Variants in SLC16A2 observed in about 807,000 individuals in gnomAD.
SLC16A2 encodes solute carrier family 16 member 2, also known as monocarboxylate transporter 8.
In SLC16A2, 3 loss-of-function variants were observed where a neutral mutation model predicts 27.2. The ratio of observed to expected loss-of-function variants is 0.11; its 90% CI spans 0.05 to 0.28. SLC16A2 has a LOEUF of 0.28. Ranked by LOEUF, SLC16A2 falls within the 10% of genes least tolerant of loss-of-function variation. SLC16A2 has a pLI of 1.00. For synonymous variants in SLC16A2, 202 were observed against 187.8 expected (o/e 1.08, Z -0.62); for missense variants, 295 against 458.5 (o/e 0.64, Z 3.26).
intron 1 of SLC16A2, among the ~76,000 whole-genome samples, chrX:74,503,417 T>C (rs192436274): frequency 1.1e-3 from 118 of 111,345 alleles, no homozygotes; most frequent in Non-Finnish European, 1.4e-3. Context: ...CTTGGTACAG[T>C]GGGGAGTCTG....
intron 1 of SLC16A2, among the ~76,000 whole-genome samples, chrX:74,506,104 C>G: frequency 8.9e-6 from 1 of 111,754 alleles, no homozygotes; most frequent in Non-Finnish European, 1.9e-5. Flanking sequence ...CTCTAGACAT[C>G]ATTGCCCAGT....
intron 1 of SLC16A2, among the ~76,000 whole-genome samples, chrX:74,478,040 C>G (rs1197905677): frequency 1.8e-5 from 2 of 111,550 alleles, no homozygotes; most frequent in Admixed American, 9.5e-5. Flanking sequence ...CCTGGATATC[C>G]TCATTAACTT....
intron 1 of SLC16A2, among the ~76,000 whole-genome samples, chrX:74,507,994 C>T (rs1392869703): frequency 3.6e-5 from 4 of 111,739 alleles, no homozygotes. Context: ...GATTTTCTTT[C>T]CTTTGGATAA....
intron 1 of SLC16A2, among the ~76,000 whole-genome samples, chrX:74,429,504 G>T (rs185026862): frequency 1.8e-5 from 2 of 110,446 alleles, no homozygotes; most frequent in East Asian, 5.7e-4. Flanking sequence ...AGGGAGGGTG[G>T]AGGTGGGGGA....
chrX:74,421,589 G>GCC lies in SLC16A2; in HGVS notation c.-48_-47dup. On this transcript the variant is annotated 5_prime_UTR_variant, in exon 1 of 6. Coordinates refer to ENST00000587091, the MANE Select transcript of SLC16A2 (RefSeq NM_006517.5). ...GCTGCAGCAGCAGAAACAAGTACCA[G>GCC]CCACAAAGCGGCTCCTCTGGCCCAA... The GCC allele has an allele frequency of 2.5e-6, 3 of 1,193,114 alleles. No individual in the cohort carries two copies. Among genetic ancestry groups the GCC allele is most frequent in the Non-Finnish European group, 3.4e-6 (3 of 884,906 alleles).
chrX:74,487,171 G>A (rs1235411725), intron 1 of SLC16A2, among the ~76,000 whole-genome samples: 1 of 110,582 alleles, frequency 9.0e-6, no homozygotes, highest in East Asian at 2.8e-4. Flanking sequence ...AGTTGCATTC[G>A]TGAGACCCAT....
chrX:74,501,832 G>A (rs1297662583), intron 1 of SLC16A2, among the ~76,000 whole-genome samples: 1 of 111,519 alleles, frequency 9.0e-6, no homozygotes, highest in Non-Finnish European at 1.9e-5. Flanking sequence ...TATAGGTATA[G>A]GCTTAAGCAT....
At chrX:74,506,917 ATT>A (rs1930139577) in intron 1 of SLC16A2, among the ~76,000 whole-genome samples, 1 of 30,506 alleles carries the variant, frequency 3.3e-5, no homozygotes, top group Non-Finnish European at 1.1e-4. Flanking sequence ...TTATTTATTT[ATT>A]TATTTATTTA....
chrX:74,490,729 G>C (rs913685571), intron 1 of SLC16A2, among the ~76,000 whole-genome samples: 3 of 111,354 alleles, frequency 2.7e-5, no homozygotes, highest in South Asian at 3.7e-4. Flanking sequence ...TCAGAGCTAA[G>C]GAAACACAGT....
At chrX:74,492,216 A>C (rs1256077558) in intron 1 of SLC16A2, among the ~76,000 whole-genome samples, 1 of 111,153 alleles carries the variant, frequency 9.0e-6, no homozygotes, top group East Asian at 2.8e-4. Flanking sequence ...TGGGAGGGGG[A>C]CTCATAGAAG....
chrX:74,495,771 C>A (rs904196144), intron 1 of SLC16A2, among the ~76,000 whole-genome samples: 5 of 111,376 alleles, frequency 4.5e-5, no homozygotes, highest in Admixed American at 3.8e-4. Context: ...GGTCTTCCTG[C>A]CTTTTTGCTT....
At chrX:74,504,336 T>A (rs919608133) in intron 1 of SLC16A2, among the ~76,000 whole-genome samples, 14 of 103,410 alleles carry the variant, frequency 1.4e-4, no homozygotes, top group Non-Finnish European at 2.2e-4. Context: ...CCTCCTGGCA[T>A]ATTGAATTAG....
At chrX:74,427,955 C>T (rs1440255633) in intron 1 of SLC16A2, among the ~76,000 whole-genome samples, 1 of 111,125 alleles carries the variant, frequency 9.0e-6, no homozygotes, top group Non-Finnish European at 1.9e-5. Flanking sequence ...TTATGCTGTA[C>T]TAGTGCAAAG....
intron 1 of SLC16A2, among the ~76,000 whole-genome samples, chrX:74,436,280 A>G (rs764305002): frequency 8.9e-6 from 1 of 111,899 alleles, no homozygotes; most frequent in Non-Finnish European, 1.9e-5. Flanking sequence ...ACAGATTGTA[A>G]TATGCTGAGT....
rs1205648195 is a variant in SLC16A2 at position 74,529,404 on chromosome X, G to C, written c.1362G>C (p.Met454Ile). 4 of 1,189,932 alleles carry C rather than the reference G, an allele frequency of 3.4e-6. No homozygotes were observed. The highest frequency in any genetic ancestry group is 3.7e-5 in the South Asian group (2 of 54,304). ...ASQAIGYLLG[M>I]MALPMIAGPP... ...AGGCCATTGGCTACCTCCTGGGCAT[G>C]ATGGCCCTGCCAATGATTGCTGGGC... Residue 454 changes from methionine to isoleucine, a missense_variant, in exon 5 of 6, where the codon ATG becomes ATC. This residue lies in a region of SLC16A2 where 144 missense variants were observed against 219.8 expected (regional missense o/e 0.66). Coordinates refer to ENST00000587091, the MANE Select transcript of SLC16A2 (RefSeq NM_006517.5).
At chrX:74,439,628 T>C (rs986657253) in intron 1 of SLC16A2, among the ~76,000 whole-genome samples, 4 of 108,151 alleles carry the variant, frequency 3.7e-5, no homozygotes, top group African/African-American at 1.4e-4. Flanking sequence ...CTCTCTCTCT[T>C]TTCCCTTCCT....
At chrX:74,519,671 G>A (rs1350665942) in intron 1 of SLC16A2, among the ~76,000 whole-genome samples, 2 of 95,481 alleles carry the variant, frequency 2.1e-5, no homozygotes, top group South Asian at 1.1e-3. Flanking sequence ...AGGCAAGATC[G>A]GGCCATTGCA....
rs559874076 is a variant in SLC16A2, at chrX:74,456,027, G to T, written c.430+33960G>T. Among the ~76,000 whole-genome samples, 7 of 111,968 alleles carry T rather than the reference G, an allele frequency of 6.3e-5. No homozygotes were observed. In the South Asian group the frequency reaches 2.2e-3, roughly 36 times the overall value. ...CTTTCCCAAGGAAGTCCCAGTCTAGGTAATTGACTATAGTTGATTATGTGT... is the reference window on the plus strand; with the variant it reads ...CTTTCCCAAGGAAGTCCCAGTCTAGTTAATTGACTATAGTTGATTATGTGT... On this transcript the variant is annotated intron_variant, in intron 1 of 5. Coordinates refer to ENST00000587091, the MANE Select transcript of SLC16A2 (RefSeq NM_006517.5).
intron 1 of SLC16A2, among the ~76,000 whole-genome samples, chrX:74,508,504 AT>A (rs1395683865): frequency 2.7e-5 from 3 of 112,574 alleles, no homozygotes; most frequent in South Asian, 3.6e-4. Context: ...TTGCTAGTAT[AT>A]ATAAATACAA....
Sources: gnomAD v4.1 joint callset for allele counts (sites outside exome capture counted in the v4.1 genomes callset) on GRCh38, gnomAD v4.1.1 for gene constraint, gnomAD v4.1.1 regional missense constraint, MANE v1.5 for transcripts, NCBI Gene and HGNC (gene_info 2026-07-23, HGNC 2026-07-21) for gene names.